SRSF11: variants seen among roughly 807,000 people sequenced by gnomAD.
The protein encoded by SRSF11 is serine and arginine rich splicing factor 11.
In SRSF11, 9 loss-of-function variants were observed where a neutral mutation model predicts 56.0. The ratio of observed to expected loss-of-function variants is 0.16; its 90% confidence interval spans 0.10 to 0.28. The LOEUF (loss-of-function observed/expected upper bound fraction) is 0.28. SRSF11 is among the 10% of genes least tolerant of loss of function. The pLI, the probability that SRSF11 is intolerant of heterozygous loss-of-function variation, is 1.00. For synonymous variants in SRSF11, 222 were observed against 215.3 expected, an observed-to-expected ratio of 1.03 and a Z score of -0.27; for missense variants, 421 against 600.7, an observed-to-expected ratio of 0.70 and a Z score of 3.13.
In SRSF11 at chr1:70,221,901, C is replaced by A. The variant is rs956384459; in HGVS notation, c.203+62C>A. The A allele has an allele frequency of 8.1e-6, 13 of 1,597,824 alleles. No individual in the cohort carries two copies. In the African/African-American group the frequency reaches 1.5e-4, roughly 18 times the overall value. On this transcript the variant is annotated intron_variant, in intron 1 of 11. Transcript: ENST00000370949. ...CGCCTCAGCCTGGGCCTAACACACA[C>A]AATTTCCTTAGGCCCCTGTCGCTGC...
chr1:70,220,217 G>GA (rs756572540), upstream of SRSF11, among the ~76,000 whole-genome samples: 31 of 152,302 alleles, frequency 2.0e-4, no homozygotes, highest in Middle Eastern at 3.4e-3. Flanking sequence ...ACAGCTTGCA[G>GA]AAGTCATAGC....
intron 7 of SRSF11, 101 bp downstream of exon 7, chr1:70,239,621 GT>G: frequency 1.2e-6 from 1 of 848,756 alleles, no homozygotes; most frequent in Non-Finnish European, 1.8e-6. Flanking sequence ...TGGTTAAAGT[GT>G]TTTAGTAACC....
chr1:70,246,367 A>G (rs1007298319), intron 8 of SRSF11, among the ~76,000 whole-genome samples: 5 of 152,162 alleles, frequency 3.3e-5, no homozygotes, highest in Non-Finnish European at 7.4e-5. Flanking sequence ...TGCTTGATCC[A>G]TGATAGAGGT....
upstream of SRSF11, among the ~76,000 whole-genome samples, chr1:70,219,998 G>T (rs1189625703): frequency 1.3e-5 from 2 of 152,168 alleles, no homozygotes; most frequent in Non-Finnish European, 2.9e-5. Context: ...AAACATTCAA[G>T]GTCAAGTGAA....
chr1:70,224,551 C>G (rs565362261), intron 1 of SRSF11, among the ~76,000 whole-genome samples: 1 of 152,276 alleles, frequency 6.6e-6, no homozygotes, highest in South Asian at 2.1e-4. Context: ...CCTACTGAAG[C>G]TCTTCATTTC....
At chr1:70,236,684 C>T (rs1674125778) in intron 5 of SRSF11, among the ~76,000 whole-genome samples, 1 of 151,700 alleles carries the variant, frequency 6.6e-6, no homozygotes, top group Admixed American at 6.6e-5. Flanking sequence ...AGCCTTTCCA[C>T]TCAAGACTTC....
chr1:70,221,091 A>G (rs961095344), upstream of SRSF11: 1 of 153,030 alleles, frequency 6.5e-6, no homozygotes, highest in Non-Finnish European at 1.5e-5. Context: ...ATCAGTATAT[A>G]AAGACATCGT....
At chr1:70,212,550 C>A (rs868404282) in intron 1 of SRSF11, among the ~76,000 whole-genome samples, 4 of 152,172 alleles carry the variant, frequency 2.6e-5, no homozygotes, top group Middle Eastern at 3.4e-3. Flanking sequence ...AGCCATTATG[C>A]CTGGTTTTAA....
At chr1:70,249,340 C>T (rs1677465479) in intron 9 of SRSF11, 1 of 152,212 alleles carries the variant, frequency 6.6e-6, no homozygotes. Flanking sequence ...CTAACTTCTT[C>T]AGTAATAGTT....
At chr1:70,226,920 T>C (rs1671907948) in intron 1 of SRSF11, among the ~76,000 whole-genome samples, 1 of 152,250 alleles carries the variant, frequency 6.6e-6, no homozygotes, top group South Asian at 2.1e-4. Context: ...GTTTCACATC[T>C]AAAAACCACT....
intron 2 of SRSF11, chr1:70,229,291 C>T: frequency 7.8e-7 from 1 of 1,287,734 alleles, no homozygotes; most frequent in Non-Finnish European, 1.0e-6. Flanking sequence ...TAGACATTAA[C>T]TAAAGGCCAG....
intron 1 of SRSF11, among the ~76,000 whole-genome samples, chr1:70,208,777 T>C (rs889500915): frequency 6.6e-6 from 1 of 152,256 alleles, no homozygotes; most frequent in African/African-American, 2.4e-5. Context: ...AGCTTCTTTA[T>C]GAAAAGATAG....
rs769588928 is a variant in SRSF11 at position 70,244,637 on chromosome 1, T to C, written c.801-47T>C. 7.0e-6 allele frequency: 11 copies of C among 1,575,068 alleles called. No homozygotes were observed. The South Asian group carries it at 1.0e-4, about 15-fold the overall frequency. Reference sequence around the variant, plus strand: ...CTGATACTAAGCACAAAATTTATAGTCTTTTTACATTTATACACATGTATT... The same window carrying C: ...CTGATACTAAGCACAAAATTTATAGCCTTTTTACATTTATACACATGTATT... On this transcript the variant is annotated intron_variant, in intron 7 of 11. Transcript: ENST00000370949.
At chr1:70,223,849 A>G (rs950644573) in intron 1 of SRSF11, among the ~76,000 whole-genome samples, 1 of 152,190 alleles carries the variant, frequency 6.6e-6, no homozygotes, top group African/African-American at 2.4e-5. Context: ...TATTCATAAC[A>G]TTGAATGGCT....
At chr1:70,227,789 G>T (rs555970471) in intron 1 of SRSF11, among the ~76,000 whole-genome samples, 58 of 152,252 alleles carry the variant, frequency 3.8e-4, no homozygotes, top group African/African-American at 1.2e-3. Flanking sequence ...TTGAAACTTT[G>T]CAGGGTGGCA....
intron 7 of SRSF11, among the ~76,000 whole-genome samples, chr1:70,243,136 A>C (rs1675869380): frequency 6.6e-6 from 1 of 152,002 alleles, no homozygotes; most frequent in African/African-American, 2.4e-5. Context: ...ATATTAGTAC[A>C]TCAGTAAGAG....
At position 70,251,626 on chromosome 1, in the gene SRSF11, C is replaced by T. The variant is rs1480830758; in HGVS notation, c.*821C>T. ...ATCTTAAAGGAAAAAAAGAAAAAAA[C>T]CTTATCTCTTGCCCTTATTTTGAAT... On this transcript the variant is annotated 3_prime_UTR_variant, in exon 12 of 12. Transcript: ENST00000370949. The T allele has an allele frequency of 6.6e-6, 1 of 152,404 alleles. No homozygotes were observed. Among genetic ancestry groups the T allele is most frequent in the Non-Finnish European group, 1.5e-5 (1 of 67,938 alleles). The allele number at this position is 152,404 out of a possible 1,614,324, so 9.4% of individuals were successfully genotyped here.
At chr1:70,229,282 A>T in intron 2 of SRSF11, 2 of 1,288,638 alleles carry the variant, frequency 1.6e-6, no homozygotes, top group Non-Finnish European at 2.0e-6. Context: ...AGGGGATTCT[A>T]GACATTAACT....
At chr1:70,219,197 A>G (rs371674533), upstream of SRSF11, among the ~76,000 whole-genome samples, 4 of 152,218 alleles carry the variant, frequency 2.6e-5, no homozygotes, top group African/African-American at 9.6e-5. Context: ...TATGGTCCCA[A>G]GCATTTTAGA....
Sources: gnomAD v4.1 joint callset for allele counts (sites outside exome capture counted in the v4.1 genomes callset) on GRCh38, gnomAD v4.1.1 for gene constraint, MANE v1.5 for transcripts, NCBI Gene and HGNC (gene_info 2026-07-23, HGNC 2026-07-21) for gene names.